The following UBL3 variants were observed in gnomAD, a reference collection of about 807,000 sequenced individuals.
UBL3 encodes the protein ubiquitin like 3.
A neutral mutation model predicts 18.4 loss-of-function variants in UBL3; 6 were observed. The observed-to-expected ratio is 0.33, with a 90% CI of 0.18 to 0.64. UBL3 has a LOEUF of 0.64. Among genes scored for constraint, UBL3 ranks in the 30% least tolerant of loss-of-function variants. The pLI, the probability that UBL3 is intolerant of heterozygous loss-of-function variation, is 0.76. For missense variants in UBL3, 109 were observed against 142.9 expected (o/e 0.76, Z 1.21); for synonymous variants, 49 against 46.6 (o/e 1.05, Z -0.21).
chr13:29,833,119 G>A (rs1878824231), intron 1 of UBL3, among the ~76,000 whole-genome samples: 3 of 152,228 alleles, frequency 2.0e-5, no homozygotes, highest in Admixed American at 2.0e-4. Context: ...CATTAATGCT[G>A]TCATGGTAAG....
At chr13:29,837,333 G>T (rs1214978267) in intron 1 of UBL3, among the ~76,000 whole-genome samples, 2 of 151,968 alleles carry the variant, frequency 1.3e-5, no homozygotes, top group African/African-American at 2.4e-5. Flanking sequence ...GAAAACATAA[G>T]AATTTGAATC....
At chr13:29,825,060 G>A (rs943973855) in intron 1 of UBL3, among the ~76,000 whole-genome samples, 3 of 152,110 alleles carry the variant, frequency 2.0e-5, no homozygotes, top group Non-Finnish European at 4.4e-5. Context: ...TGTTCCATTG[G>A]TCTATATCTC....
At chr13:29,798,933 T>C (rs1184461667) in intron 1 of UBL3, among the ~76,000 whole-genome samples, 1 of 152,224 alleles carries the variant, frequency 6.6e-6, no homozygotes, top group Admixed American at 6.5e-5. Flanking sequence ...AAGGTAGATA[T>C]TATTCTCTTT....
chr13:29,787,638 T>C (rs922376669), intron 1 of UBL3, among the ~76,000 whole-genome samples: 5 of 152,208 alleles, frequency 3.3e-5, no homozygotes, highest in South Asian at 4.1e-4. Context: ...CGGATTTCAA[T>C]GTGCAATGGT....
intron 1 of UBL3, among the ~76,000 whole-genome samples, chr13:29,824,630 C>T (rs556764469): frequency 9.9e-5 from 15 of 152,220 alleles, no homozygotes; most frequent in Non-Finnish European, 1.2e-4. Flanking sequence ...GAGTAGATTG[C>T]AAAAATTTTC....
chr13:29,791,841 T>C (rs1028314575), intron 1 of UBL3, among the ~76,000 whole-genome samples: 10 of 152,316 alleles, frequency 6.6e-5, no homozygotes, highest in Non-Finnish European at 1.5e-4. Flanking sequence ...TCACATCTGT[T>C]ATTGTAGCAA....
intron 2 of UBL3, among the ~76,000 whole-genome samples, chr13:29,776,779 G>A (rs1877005164): frequency 6.7e-6 from 1 of 149,226 alleles, no homozygotes; most frequent in African/African-American, 2.5e-5. Context: ...GCTGAGGTAG[G>A]GGAATCACTT....
At chr13:29,774,640 G>A (rs938642517) in intron 2 of UBL3, among the ~76,000 whole-genome samples, 1 of 152,060 alleles carries the variant, frequency 6.6e-6, no homozygotes, top group African/African-American at 2.4e-5. Context: ...TTACTAATGT[G>A]AAGAAAGATC....
At chr13:29,804,288 C>T (rs1877845900) in intron 1 of UBL3, among the ~76,000 whole-genome samples, 1 of 151,908 alleles carries the variant, frequency 6.6e-6, no homozygotes, top group Non-Finnish European at 1.5e-5. Flanking sequence ...AAAGATATAA[C>T]ATACCAAAAT....
At chr13:29,815,415 T>C (rs1300787103) in intron 1 of UBL3, among the ~76,000 whole-genome samples, 2 of 152,160 alleles carry the variant, frequency 1.3e-5, no homozygotes. Flanking sequence ...ATTACCCACC[T>C]ACCATAGATC....
intron 1 of UBL3, among the ~76,000 whole-genome samples, chr13:29,794,351 T>TACACACACAC (rs34035390): frequency 1.3e-5 from 2 of 149,842 alleles, no homozygotes; most frequent in Non-Finnish European, 1.5e-5. Flanking sequence ...TTACTAACAC[T>TACACACACAC]ACACACACAC....
chr13:29,784,223 T>A (rs985204709), intron 1 of UBL3, among the ~76,000 whole-genome samples: 2 of 152,072 alleles, frequency 1.3e-5, no homozygotes, highest in African/African-American at 4.8e-5. Flanking sequence ...TGGAAAAAAA[T>A]GACGGGAAAG....
chr13:29,786,768 GT>G (rs36086091), intron 1 of UBL3, among the ~76,000 whole-genome samples: 136,644 of 152,128 alleles, frequency 0.9, 61,542 homozygotes, highest in East Asian at 0.98. Context: ...TTAGCATTTA[GT>G]TATGATGTAG....
At chr13:29,831,009 T>C (rs1292465667) in intron 1 of UBL3, among the ~76,000 whole-genome samples, 1 of 152,204 alleles carries the variant, frequency 6.6e-6, no homozygotes, top group Non-Finnish European at 1.5e-5. Flanking sequence ...CTATATGCCT[T>C]AAATGACAAT....
intron 1 of UBL3, among the ~76,000 whole-genome samples, chr13:29,788,480 C>T (rs548578752): frequency 1.3e-5 from 2 of 152,272 alleles, no homozygotes; most frequent in African/African-American, 4.8e-5. Flanking sequence ...CCTGGGTTTT[C>T]TTCTTCCTAG....
chr13:29,814,672 T>C (rs893753124), intron 1 of UBL3, among the ~76,000 whole-genome samples: 4 of 152,124 alleles, frequency 2.6e-5, no homozygotes, highest in African/African-American at 9.7e-5. Context: ...GCTAATGAGA[T>C]AGACCAGAGT....
At chr13:29,843,550 T>C (rs1442417382) in intron 1 of UBL3, among the ~76,000 whole-genome samples, 1 of 152,210 alleles carries the variant, frequency 6.6e-6, no homozygotes, top group East Asian at 1.9e-4. Context: ...CTTACTAACT[T>C]ACTAAATCAT....
intron 1 of UBL3, among the ~76,000 whole-genome samples, chr13:29,849,261 C>G (rs61947245): frequency 0.026 from 4,019 of 152,272 alleles, 77 homozygotes; most frequent in Non-Finnish European, 0.042. Context: ...TCCCCTCAAG[C>G]TACCATGATA....
At chr13:29,827,840 G>C (rs1413520916) in intron 1 of UBL3, among the ~76,000 whole-genome samples, 1 of 152,186 alleles carries the variant, frequency 6.6e-6, no homozygotes. Context: ...TCCATGTTTA[G>C]TGCTTCCTTC....
Sources: gnomAD v4.1 joint callset for allele counts (sites outside exome capture counted in the v4.1 genomes callset) on GRCh38, gnomAD v4.1.1 for gene constraint, MANE v1.5 for transcripts, NCBI Gene and HGNC (gene_info 2026-07-23, HGNC 2026-07-21) for gene names.